The following XKRX variants were observed in gnomAD, a reference collection of about 807,000 sequenced individuals.
XKRX encodes the protein XK-related protein 2.
Under a neutral mutation model 22.4 loss-of-function variants are expected in XKRX, and 11 were observed. The observed-to-expected ratio is 0.49, with a 90% confidence interval of 0.31 to 0.81. The LOEUF (loss-of-function observed/expected upper bound fraction) is 0.81, where lower values mean the gene tolerates loss of function less well. Ranked by LOEUF, XKRX falls within the 40% of genes least tolerant of loss-of-function variation. The pLI is 0.05. For synonymous variants in XKRX, 114 were observed against 132.2 expected (o/e 0.86, Z 0.94); for missense variants, 320 against 336.5 (o/e 0.95, Z 0.38).
At chrX:100,888,209 T>C in the XKRX span, 1 of 1,002,864 alleles carries the variant, frequency 1.0e-6, no homozygotes, top group Non-Finnish European at 1.4e-6. Flanking sequence ...CATTTTTCCA[T>C]GCTGTTCAAA....
chrX:100,889,970 C>T, the XKRX span, among the ~76,000 whole-genome samples: 3 of 112,124 alleles, frequency 2.7e-5, no homozygotes, highest in Non-Finnish European at 5.6e-5. Flanking sequence ...TGCCACTGCA[C>T]TCCAGCTTGG....
chrX:100,905,214 G>A, the XKRX span, among the ~76,000 whole-genome samples: 1 of 111,913 alleles, frequency 8.9e-6, no homozygotes, highest in Non-Finnish European at 1.9e-5. Context: ...ATATGAAAAA[G>A]AGAGACAGAA....
intron 2 of XKRX, among the ~76,000 whole-genome samples, chrX:100,917,695 AAAG>A (rs1167217310): frequency 7.1e-4 from 72 of 101,196 alleles, no homozygotes; most frequent in African/African-American, 2.5e-3. Flanking sequence ...AGAAAGAAAG[AAAG>A]AAAGAAAGAA....
At chrX:100,945,940 C>T in the XKRX span, among the ~76,000 whole-genome samples, 1 of 110,572 alleles carries the variant, frequency 9.0e-6, no homozygotes, top group Non-Finnish European at 1.9e-5. Flanking sequence ...AATCCCAGCA[C>T]TTTGGGAGGC....
chrX:100,904,956 G>A, the XKRX span, among the ~76,000 whole-genome samples: 1 of 111,900 alleles, frequency 8.9e-6, no homozygotes. Context: ...GGAAACAGAC[G>A]CCTTTTGCCT....
In XKRX at chrX:100,914,734, G is replaced by A. The variant is rs2085424092; in HGVS notation, c.954C>T (p.Leu318=). 8.3e-7 allele frequency: 1 copy of A among 1,211,892 alleles called. No homozygotes were observed. ...TLVVLISVTI[L]YAGINFSCWS... ...AGCAAGAGAAGTTGATGCCAGCATA[G>A]AGGATGGTGACTGAAATCAGGACCA... Residue 318 remains leucine, a synonymous_variant, in exon 3 of 3, where the codon CTC becomes CTT. Coordinates refer to ENST00000372956, the MANE Select transcript of XKRX (RefSeq NM_212559.3).
At chrX:100,953,409 C>T in the XKRX span, among the ~76,000 whole-genome samples, 1 of 111,580 alleles carries the variant, frequency 9.0e-6, no homozygotes, top group Non-Finnish European at 1.9e-5. Context: ...AGGCATAAAT[C>T]TTCATGAACT....
At chrX:100,900,828 C>T in the XKRX span, among the ~76,000 whole-genome samples, 51 of 93,762 alleles carry the variant, frequency 5.4e-4, no homozygotes, top group Admixed American at 4.1e-3. Context: ...CTTGTTCTGT[C>T]GCCTAGGCTG....
chrX:100,912,000 G>A (rs183934558), downstream of XKRX, among the ~76,000 whole-genome samples: 18 of 111,571 alleles, frequency 1.6e-4, no homozygotes, highest in East Asian at 3.9e-3. Flanking sequence ...CCTGTGTAGC[G>A]TCATTTTATC....
At chrX:100,940,354 G>C in the XKRX span, among the ~76,000 whole-genome samples, 1 of 111,879 alleles carries the variant, frequency 8.9e-6, no homozygotes, top group Non-Finnish European at 1.9e-5. Context: ...CTGGGCCCTA[G>C]TCATTTAAAA....
the XKRX span, among the ~76,000 whole-genome samples, chrX:100,945,247 TACACACACACAC>T: frequency 1.5e-3 from 81 of 55,365 alleles, no homozygotes; most frequent in Non-Finnish European, 2.4e-3. Flanking sequence ...ACCTGGGTGA[TACACACACACAC>T]ACACACACAC....
At chrX:100,925,661 A>G (rs745857057) in intron 1 of XKRX, among the ~76,000 whole-genome samples, 36 of 112,014 alleles carry the variant, frequency 3.2e-4, no homozygotes, top group African/African-American at 1.2e-3. Flanking sequence ...ATTGTATTTG[A>G]AAAAGGAGGG....
At chrX:100,931,191 G>T (rs918457427), upstream of XKRX, among the ~76,000 whole-genome samples, 7 of 105,518 alleles carry the variant, frequency 6.6e-5, no homozygotes, top group Admixed American at 7.1e-4. Flanking sequence ...AAGCTAAGAA[G>T]AAGAATGTAG....
chrX:100,910,960 A>T, downstream of XKRX: 1 of 561,542 alleles, frequency 1.8e-6, no homozygotes, highest in Admixed American at 2.3e-5. Flanking sequence ...CTCCACGGGG[A>T]TCAGTACCTG....
intron 2 of XKRX, among the ~76,000 whole-genome samples, chrX:100,916,110 C>CAT (rs1491531802): frequency 2.8e-5 from 3 of 107,694 alleles, no homozygotes; most frequent in Non-Finnish European, 5.7e-5. Context: ...CACACACACA[C>CAT]GTACAAAAAT....
chrX:100,929,675 G>A (rs370679646), upstream of XKRX, among the ~76,000 whole-genome samples: 3 of 111,480 alleles, frequency 2.7e-5, no homozygotes, highest in East Asian at 5.7e-4. Context: ...AAGACTCAAG[G>A]TCAGCCCACA....
chrX:100,958,626 C>A, the XKRX span, among the ~76,000 whole-genome samples: 3 of 111,712 alleles, frequency 2.7e-5, no homozygotes, highest in African/African-American at 9.8e-5. Flanking sequence ...GAATGGAAAT[C>A]TGAAATATGG....
chrX:100,949,385 AG>A, the XKRX span, among the ~76,000 whole-genome samples: 2 of 66,611 alleles, frequency 3.0e-5, no homozygotes, highest in Non-Finnish European at 6.3e-5. Flanking sequence ...TTTTTGAGAG[AG>A]ACGGAGTCTT....
chrX:100,945,428 G>T, the XKRX span, among the ~76,000 whole-genome samples: 1 of 112,112 alleles, frequency 8.9e-6, no homozygotes, highest in African/African-American at 3.2e-5. Flanking sequence ...CCTGCTTCTC[G>T]AACTTTAATA....
Sources: gnomAD v4.1 joint callset for allele counts (sites outside exome capture counted in the v4.1 genomes callset) on GRCh38, gnomAD v4.1.1 for gene constraint, MANE v1.5 for transcripts, NCBI Gene and HGNC (gene_info 2026-07-23, HGNC 2026-07-21) for gene names.